Variants in AGMO observed in about 807,000 individuals in gnomAD.
The protein encoded by AGMO is alkylglycerol monooxygenase.
Under a neutral mutation model 60.2 loss-of-function variants are expected in AGMO, and 75 were observed. The ratio of observed to expected loss-of-function variants is 1.25; its 90% CI spans 1.03 to 1.51. The LOEUF is 1.51. Ranked by LOEUF, AGMO falls within the 40% of genes most tolerant of loss-of-function variation. The pLI is 0.00. For synonymous variants in AGMO, 261 were observed against 177.1 expected, an observed-to-expected ratio of 1.47 and a Z score of -3.76; for missense variants, 763 against 525.5, an observed-to-expected ratio of 1.45 and a Z score of -4.42.
At chr7:15,366,013 A>G (rs760906731) in intron 11 of AGMO, 127 bp downstream of exon 11, 61 of 667,736 alleles carry the variant, frequency 9.1e-5, no homozygotes, top group Non-Finnish European at 1.4e-4. Flanking sequence ...ATGAGAAGTC[A>G]AATACCAAAA....
At chr7:15,347,337 A>G (rs1583436297) in intron 12 of AGMO, among the ~76,000 whole-genome samples, 2 of 152,198 alleles carry the variant, frequency 1.3e-5, no homozygotes, top group South Asian at 4.1e-4. Context: ...ATGCCAAACT[A>G]GATAATTAGG....
intron 12 of AGMO, among the ~76,000 whole-genome samples, chr7:15,363,505 T>G (rs1782846069): frequency 6.6e-6 from 1 of 152,144 alleles, no homozygotes; most frequent in South Asian, 2.1e-4. Context: ...AGGTAAGTGG[T>G]GAAGTAATTG....
chr7:15,375,919 T>C (rs536658181), intron 10 of AGMO, among the ~76,000 whole-genome samples: 1 of 152,278 alleles, frequency 6.6e-6, no homozygotes, highest in Non-Finnish European at 1.5e-5. Flanking sequence ...CTTATAGTGA[T>C]ATGAAGATAT....
intron 3 of AGMO, among the ~76,000 whole-genome samples, chr7:15,478,113 T>C (rs1782644525): frequency 1.3e-5 from 2 of 152,120 alleles, no homozygotes; most frequent in South Asian, 4.1e-4. Flanking sequence ...TTGTTTGTGA[T>C]TATGGTTCAA....
intron 11 of AGMO, 93 bp downstream of exon 11, chr7:15,366,047 C>A: frequency 1.2e-6 from 1 of 855,788 alleles, no homozygotes; most frequent in Non-Finnish European, 1.8e-6. Context: ...TTTAAAACTA[C>A]ACTAGTTACA....
At chr7:15,198,243 GAGAGAGAGAGAGAC>G (rs1156830949), downstream of AGMO, among the ~76,000 whole-genome samples, 715 of 98,666 alleles carry the variant, frequency 7.2e-3, 24 homozygotes, top group African/African-American at 0.023. Flanking sequence ...GAGAGAGAGA[GAGAGAGAGAGAGAC>G]AGAGACAGAG....
At position 15,431,121 on chromosome 7, in the gene AGMO, T is replaced by A. The variant is rs1489677708; in HGVS notation, c.410-13A>T. On this transcript the variant is annotated splice_polypyrimidine_tract_variant and intron_variant, in intron 3 of 12. Transcript: ENST00000342526. ...ATAATATTAACTTCTGCAAAACACA[T>A]AATTTGCAATGAGCCATGAGAATAA... is the stretch of plus-strand genomic sequence containing the variant. 1.3e-6 allele frequency: 2 copies of A among 1,578,102 alleles called. No homozygotes were observed. The highest frequency in any genetic ancestry group is 4.5e-5 in the East Asian group (2 of 44,582).
chr7:15,297,532 C>A (rs912008498), intron 12 of AGMO, among the ~76,000 whole-genome samples: 111 of 152,080 alleles, frequency 7.3e-4, no homozygotes, highest in Admixed American at 2.8e-3. Flanking sequence ...TTTTGATTTA[C>A]TACAGAGTAA....
intron 3 of AGMO, among the ~76,000 whole-genome samples, chr7:15,544,222 G>T (rs1233037290): frequency 6.6e-6 from 1 of 151,724 alleles, no homozygotes; most frequent in African/African-American, 2.4e-5. Flanking sequence ...ACTAGGGGGA[G>T]AGGGTGGGGG....
At chr7:15,131,977 G>A in the AGMO span, among the ~76,000 whole-genome samples, 1 of 152,064 alleles carries the variant, frequency 6.6e-6, no homozygotes, top group Admixed American at 6.5e-5. Context: ...CCAAGCTCCT[G>A]CTGGACTCAC....
In AGMO at chr7:15,560,266, A is replaced by G; in HGVS notation, c.132T>C (p.Thr44=). 6.2e-7 allele frequency: 1 copy of G among 1,611,582 alleles called. No individual in the cohort carries two copies. The highest frequency in any genetic ancestry group is 8.5e-7 in the Non-Finnish European group (1 of 1,178,340). Reference sequence around the variant, plus strand: ...GCAGCATCAAAGAAATGAAAAATGGAGTTGCCTGGAAAGGAAGTTGCAGAA... The same window carrying G: ...GCAGCATCAAAGAAATGAAAAATGGGGTTGCCTGGAAAGGAAGTTGCAGAA... ...EEVPDYVKKA[T]PFFISLMLLE... The change falls in exon 2 of 13, where the codon ACT becomes ACC. Residue 44 remains threonine, a synonymous_variant. Transcript: ENST00000342526.
At chr7:15,507,958 C>T (rs1992024) in intron 3 of AGMO, among the ~76,000 whole-genome samples, 118,358 of 151,866 alleles carry the variant, frequency 0.78, 46,334 homozygotes, top group East Asian at 0.97. Flanking sequence ...TGATGACTCT[C>T]AAGTGCTCAC....
intron 3 of AGMO, among the ~76,000 whole-genome samples, chr7:15,477,472 A>T (rs1370402937): frequency 1.3e-5 from 2 of 152,146 alleles, no homozygotes; most frequent in Non-Finnish European, 2.9e-5. Flanking sequence ...AATGAATGAG[A>T]CACTGGTGCA....
At chr7:15,209,643 C>T (rs1159818985) in intron 12 of AGMO, among the ~76,000 whole-genome samples, 1 of 152,092 alleles carries the variant, frequency 6.6e-6, no homozygotes, top group East Asian at 1.9e-4. Context: ...GATGGGACTG[C>T]ACAAATGGTT....
intron 3 of AGMO, among the ~76,000 whole-genome samples, chr7:15,496,404 G>A (rs539436986): frequency 6.6e-6 from 1 of 152,070 alleles, no homozygotes; most frequent in African/African-American, 2.4e-5. Context: ...TCTTTTCAGA[G>A]AAAAGGGCAG....
the AGMO span, among the ~76,000 whole-genome samples, chr7:15,149,128 T>G: frequency 3.8e-4 from 58 of 152,130 alleles, no homozygotes; most frequent in African/African-American, 1.3e-3. Context: ...TTTTGAGAAA[T>G]GTCTATTCAT....
chr7:15,222,422 T>C (rs1337903772), intron 12 of AGMO, among the ~76,000 whole-genome samples: 1 of 152,032 alleles, frequency 6.6e-6, no homozygotes, highest in Non-Finnish European at 1.5e-5. Context: ...AGAAAGACAG[T>C]GAGTGGCTAG....
chr7:15,267,961 A>G (rs911983262), intron 12 of AGMO, among the ~76,000 whole-genome samples: 1 of 152,108 alleles, frequency 6.6e-6, no homozygotes. Context: ...CTCTAAATTA[A>G]ATTTCTTTGT....
At chr7:15,432,361 T>TACACACACAC (rs1554271578) in intron 3 of AGMO, among the ~76,000 whole-genome samples, 39 of 123,912 alleles carry the variant, frequency 3.1e-4, no homozygotes, top group Middle Eastern at 4.8e-3. Flanking sequence ...CATATATATA[T>TACACACACAC]ACACACACAT....
Sources: gnomAD v4.1 joint callset for allele counts (sites outside exome capture counted in the v4.1 genomes callset) on GRCh38, gnomAD v4.1.1 for gene constraint, MANE v1.5 for transcripts, NCBI Gene and HGNC (gene_info 2026-07-23, HGNC 2026-07-21) for gene names.